The following ACO1 variants were observed in gnomAD, a reference collection of about 807,000 sequenced individuals.
The protein encoded by ACO1 is aconitase 1.
ACO1 carries 78 observed loss-of-function variants against 105.1 expected under a neutral mutation model. That is an observed-to-expected ratio of 0.74 (90% CI 0.62 to 0.90). The LOEUF (loss-of-function observed/expected upper bound fraction) is 0.90, where lower values mean the gene tolerates loss of function less well. ACO1 is among the 40% of genes least tolerant of loss of function. ACO1 has a pLI of 0.00. For synonymous variants in ACO1, 364 were observed against 397.4 expected, an observed-to-expected ratio of 0.92 and a Z score of 1.00; for missense variants, 965 against 1,111.1, an observed-to-expected ratio of 0.87 and a Z score of 1.87.
At chr9:32,386,040 C>A (rs1821150751) in intron 1 of ACO1, among the ~76,000 whole-genome samples, 1 of 152,212 alleles carries the variant, frequency 6.6e-6, no homozygotes, top group Non-Finnish European at 1.5e-5. Context: ...ACCTTGCCAG[C>A]CTCCTGAAAA....
In ACO1 at chr9:32,427,410, A is replaced by T. The variant is rs756123819; in HGVS notation, c.1458A>T (p.Gly486=). The T allele has an allele frequency of 6.2e-7, 1 of 1,614,216 alleles. No individual in the cohort carries two copies. The highest frequency in any genetic ancestry group is 8.5e-7 in the Non-Finnish European group (1 of 1,180,034). Residue 486 remains glycine (G), a synonymous_variant, in exon 12 of 21, where the codon GGA becomes GGT. Transcript: ENST00000309951. Reference sequence around the variant, plus strand: ...TCACCTACTACCTACAAGAAAGCGGAGTCATGCCTTATCTGTCTCAGCTTG... The same window carrying T: ...TCACCTACTACCTACAAGAAAGCGGTGTCATGCCTTATCTGTCTCAGCTTG... ...GVVTYYLQES[G]VMPYLSQLGF...
At position 32,420,880 on chromosome 9, in the gene ACO1, G is replaced by A. The variant is rs747799152; in HGVS notation, c.823G>A (p.Gly275Ser). The change falls in exon 8 of 21, where the codon GGC becomes AGC. Residue 275 changes from glycine (G) to serine (S), a missense_variant. Physicochemically the swap from Gly to Ser is moderately conservative, Grantham distance 56 (BLOSUM62 0). Transcript: ENST00000309951. ...TKHLRQVGVVGKFVEFFGPGV... is the reference protein window; with the variant it reads ...TKHLRQVGVVSKFVEFFGPGV... Reference sequence around the variant, plus strand: ...GCACCTCCGCCAGGTTGGGGTAGTGGGCAAATTTGTCGAGTTCTTCGGGCC... The same window carrying A: ...GCACCTCCGCCAGGTTGGGGTAGTGAGCAAATTTGTCGAGTTCTTCGGGCC... 4.3e-6 allele frequency: 7 copies of A among 1,613,840 alleles called. No homozygotes were observed. Among genetic ancestry groups the A allele is most frequent in the Non-Finnish European group, 5.9e-6 (7 of 1,179,810 alleles).
chr9:32,387,735 C>T (rs1171274194), intron 1 of ACO1, among the ~76,000 whole-genome samples: 1 of 152,162 alleles, frequency 6.6e-6, no homozygotes, highest in African/African-American at 2.4e-5. Flanking sequence ...TGCAGCTACT[C>T]AGCTCTGGTG....
chr9:32,391,651 G>A (rs1362128313), intron 1 of ACO1, among the ~76,000 whole-genome samples: 1 of 152,180 alleles, frequency 6.6e-6, no homozygotes, highest in East Asian at 1.9e-4. Context: ...AGACATGTAT[G>A]GAACACTTAA....
At chr9:32,392,559 TA>T (rs1242026094) in intron 1 of ACO1, among the ~76,000 whole-genome samples, 1 of 152,196 alleles carries the variant, frequency 6.6e-6, no homozygotes, top group Non-Finnish European at 1.5e-5. Context: ...TCCAGGCCCA[TA>T]TATGCCCCTG....
rs867321489 is a variant in ACO1, at chr9:32,453,507, G to A, written c.*3396G>A. 1 of 151,980 alleles carries A rather than the reference G, an allele frequency of 6.6e-6. No individual in the cohort carries two copies. Among genetic ancestry groups the A allele is most frequent in the Admixed American group, 6.6e-5 (1 of 15,258 alleles). The allele number at this position is 151,980 out of a possible 1,614,324, so 9.4% of individuals were successfully genotyped here. On this transcript the variant is annotated 3_prime_UTR_variant, in exon 21 of 21. Coordinates refer to ENST00000309951, the MANE Select transcript of ACO1 (RefSeq NM_002197.3). The stretch of plus-strand genomic sequence containing the variant: ...CCAATCATACCTTCTGTTGGCCTCT[G>A]CAGTAGAGTGGCCTCTTCTGGGCCC...
rs1234162081 is a variant in ACO1 at position 32,436,337 on chromosome 9, GTTAAACAGA to G, written c.2190_2198del (p.Leu730_Arg732del). ...GGGGAACATTTGCCAACATTCGCTTGTTAAACAGATTTTTGAACAAGCAGGCACCACAGA... is the reference window on the plus strand; with the variant it reads ...GGGGAACATTTGCCAACATTCGCTTGTTTTTGAACAAGCAGGCACCACAGA... On this transcript the variant is annotated inframe_deletion, in exon 18 of 21. Coordinates refer to ENST00000309951, the MANE Select transcript of ACO1 (RefSeq NM_002197.3). The G allele has an allele frequency of 6.2e-7, 1 of 1,614,156 alleles. No individual in the cohort carries two copies. The highest frequency in any genetic ancestry group is 8.5e-7 in the Non-Finnish European group (1 of 1,180,024).
chr9:32,425,242 G>A (rs929826342), intron 10 of ACO1, among the ~76,000 whole-genome samples: 1 of 152,188 alleles, frequency 6.6e-6, no homozygotes, highest in Non-Finnish European at 1.5e-5. Context: ...TTGGGAGCCC[G>A]CAAGGTACCT....
intron 11 of ACO1, among the ~76,000 whole-genome samples, chr9:32,426,226 A>G (rs1232627757): frequency 6.6e-6 from 1 of 152,266 alleles, no homozygotes; most frequent in Admixed American, 6.5e-5. Flanking sequence ...GAATTAACAC[A>G]GAAAATAAGT....
Position 32,437,586 on chromosome 9 carries a change from C to T in ACO1, c.2247+1189C>T, listed in dbSNP as rs1587551195. On this transcript the variant is annotated intron_variant, in intron 18 of 20. Transcript: ENST00000309951. ...CCCTAATAAACATCACAGTGTACCA[C>T]ACGCATTTACAAGCCCTGCATGACA... is the stretch of plus-strand genomic sequence containing the variant. 2.0e-5 allele frequency among the ~76,000 whole-genome samples: 3 copies of T among 152,164 alleles called. No individual in the cohort carries two copies. In the South Asian group the frequency reaches 6.2e-4, roughly 31 times the overall value.
chr9:32,432,134 C>G (rs1189461260), intron 15 of ACO1, among the ~76,000 whole-genome samples: 1 of 152,062 alleles, frequency 6.6e-6, no homozygotes, highest in Non-Finnish European at 1.5e-5. Context: ...CTCGGACACC[C>G]AGGGGTGTGT....
intron 7 of ACO1, 147 bp downstream of exon 7, chr9:32,419,324 T>G: frequency 1.4e-5 from 11 of 792,684 alleles, no homozygotes; most frequent in South Asian, 3.3e-5. Context: ...GGAGATGAGG[T>G]AAGGGAAGTG....
At chr9:32,426,299 G>GAA (rs1434408343) in intron 11 of ACO1, among the ~76,000 whole-genome samples, 2 of 152,164 alleles carry the variant, frequency 1.3e-5, no homozygotes, top group Non-Finnish European at 2.9e-5. Flanking sequence ...GACTTTGGAA[G>GAA]AAAAATAAAG....
At chr9:32,440,420 C>A (rs1822451204) in intron 18 of ACO1, 45 bp from the exon 19 acceptor site, 1 of 1,611,200 alleles carries the variant, frequency 6.2e-7, no homozygotes, top group South Asian at 1.1e-5. Context: ...TGTGTCCATT[C>A]TTTGCCTCTC....
At chr9:32,447,247 G>A (rs192841614) in intron 19 of ACO1, among the ~76,000 whole-genome samples, 17 of 152,140 alleles carry the variant, frequency 1.1e-4, no homozygotes, top group Non-Finnish European at 1.6e-4. Context: ...CATGTTTCTT[G>A]GAGGCTTTCT....
chr9:32,409,465 A>G (rs979823165), intron 4 of ACO1, among the ~76,000 whole-genome samples: 7 of 152,198 alleles, frequency 4.6e-5, no homozygotes, highest in African/African-American at 1.7e-4. Flanking sequence ...GTGGGGAAAA[A>G]CTAAACAACT....
chr9:32,453,803 A>G lies in ACO1; in HGVS notation c.*3692A>G, dbSNP rs1021235926. 1.3e-5 allele frequency: 2 copies of G among 152,206 alleles called. No homozygotes were observed. Among genetic ancestry groups the G allele is most frequent in the Non-Finnish European group, 2.9e-5 (2 of 68,046 alleles). The allele number at this position is 152,206 out of a possible 1,614,324, so 9.4% of individuals were successfully genotyped here. A position where few individuals can be genotyped will look rare whatever the true frequency, so the allele number is the denominator to read the frequency against. Reference sequence around the variant, plus strand: ...GGCTGCCTTCTTAGGACATTATTAAATATCATAAACACAAGTGGAATTTAA... The same window carrying G: ...GGCTGCCTTCTTAGGACATTATTAAGTATCATAAACACAAGTGGAATTTAA... On this transcript the variant is annotated 3_prime_UTR_variant, in exon 21 of 21. Coordinates refer to ENST00000309951, the MANE Select transcript of ACO1 (RefSeq NM_002197.3).
chr9:32,413,208 C>T (rs1002685999), intron 4 of ACO1, among the ~76,000 whole-genome samples: 1 of 152,060 alleles, frequency 6.6e-6, no homozygotes, highest in African/African-American at 2.4e-5. Context: ...GAACACTAGC[C>T]GGGGCGGTGG....
At chr9:32,411,334 T>G (rs1393642171) in intron 4 of ACO1, among the ~76,000 whole-genome samples, 1 of 152,192 alleles carries the variant, frequency 6.6e-6, no homozygotes, top group Non-Finnish European at 1.5e-5. Flanking sequence ...GGAAATTGAT[T>G]AGTGGAGGGA....
Sources: allele counts gnomAD v4.1 joint callset (sites outside exome capture counted in the v4.1 genomes callset), GRCh38; gene constraint gnomAD v4.1.1; transcripts MANE v1.5; gene names NCBI Gene and HGNC (gene_info 2026-07-23, HGNC 2026-07-21).